Variants in CCM2L observed in about 807,000 individuals in gnomAD.
The protein encoded by CCM2L is CCM2 like scaffold protein.
CCM2L carries 36 observed loss-of-function variants against 54.1 expected under a neutral mutation model. That is an observed-to-expected ratio of 0.67 (90% confidence interval 0.51 to 0.88). The LOEUF (loss-of-function observed/expected upper bound fraction) is 0.88. Among genes scored for constraint, CCM2L ranks in the 40% least tolerant of loss-of-function variants. The pLI is 0.00. For missense variants in CCM2L, 700 were observed against 812.1 expected (o/e 0.86, Z 1.68); for synonymous variants, 351 against 359.3 (o/e 0.98, Z 0.26).
intron 6 of CCM2L, among the ~76,000 whole-genome samples, chr20:32,025,597 G>A (rs1298060939): frequency 1.3e-5 from 2 of 152,010 alleles, no homozygotes; most frequent in Non-Finnish European, 2.9e-5. Context: ...GAAACACACA[G>A]TTTACAAAAT....
At chr20:32,011,108 A>C (rs1600669398) in intron 1 of CCM2L, among the ~76,000 whole-genome samples, 99 of 138,222 alleles carry the variant, frequency 7.2e-4, no homozygotes, top group Admixed American at 1.4e-3. Flanking sequence ...CCCCATTTCC[A>C]CCCTCCCCTC....
At chr20:32,018,237 A>AGGGGGGGGGGGGGGG in intron 4 of CCM2L, 75 bp downstream of exon 4, 1 of 8,156 alleles carries the variant, frequency 1.2e-4, no homozygotes. Context: ...GGGGCGGGGC[A>AGGGGGGGGGGGGGGG]GGGGCAGGGG....
intron 6 of CCM2L, among the ~76,000 whole-genome samples, chr20:32,023,523 C>T (rs1252687597): frequency 6.6e-6 from 1 of 152,168 alleles, no homozygotes; most frequent in Admixed American, 6.5e-5. Flanking sequence ...CTAATAGAGA[C>T]ATTTGTTGAG....
intron 1 of CCM2L, among the ~76,000 whole-genome samples, chr20:32,010,853 G>A (rs370268353): frequency 8.5e-5 from 13 of 152,080 alleles, no homozygotes; most frequent in African/African-American, 7.2e-5. Context: ...TCTCCTGCTC[G>A]TCACTGCCCC....
chr20:32,016,533 G>T (rs1380782625), intron 2 of CCM2L, among the ~76,000 whole-genome samples: 1 of 152,080 alleles, frequency 6.6e-6, no homozygotes, highest in Non-Finnish European at 1.5e-5. Context: ...GTGGGTGCCT[G>T]TAATCCCAGC....
chr20:32,027,385 G>A (rs1453300605), intron 7 of CCM2L, among the ~76,000 whole-genome samples: 1 of 152,210 alleles, frequency 6.6e-6, no homozygotes, highest in Non-Finnish European at 1.5e-5. Context: ...TTTGAACATT[G>A]AACTTGCTAT....
intron 8 of CCM2L, 34 bp from the exon 9 acceptor site, chr20:32,029,666 C>T (rs1568927883): frequency 6.4e-7 from 1 of 1,573,824 alleles, no homozygotes; most frequent in Non-Finnish European, 8.6e-7. Flanking sequence ...GCGCTGCTTC[C>T]TGGGATTGAT....
rs1447205593 is a variant in CCM2L, at chr20:32,014,904, G to A, written c.31G>A (p.Gly11Ser). 1 of 1,597,366 alleles carries A rather than the reference G, an allele frequency of 6.3e-7. No individual in the cohort carries two copies. The highest frequency in any genetic ancestry group is 2.4e-5 in the East Asian group (1 of 42,150). The change falls in exon 2 of 10, where the codon GGC (glycine) becomes AGC (serine). Residue 11 changes from glycine to serine, a missense_variant and splice_region_variant. By Grantham distance (56) the Gly-to-Ser change is moderately conservative (BLOSUM62 0). Coordinates refer to ENST00000452892, the MANE Select transcript of CCM2L (RefSeq NM_001365692.1). MEYEVKKGKK[G>S]FVSPIRRLVF... ...CTCTCATTCCTCCTCTCCTCCCCAGGGCTTTGTATCCCCCATCCGAAGGCT... is the reference window on the plus strand; with the variant it reads ...CTCTCATTCCTCCTCTCCTCCCCAGAGCTTTGTATCCCCCATCCGAAGGCT...
intron 9 of CCM2L, among the ~76,000 whole-genome samples, chr20:32,030,672 T>TA (rs1000989558): frequency 9.9e-5 from 15 of 151,814 alleles, no homozygotes; most frequent in African/African-American, 3.6e-4. Flanking sequence ...CTGTCTCTAC[T>TA]AAAAATACAA....
intron 7 of CCM2L, among the ~76,000 whole-genome samples, chr20:32,027,097 G>A (rs1253901858): frequency 3.9e-5 from 6 of 152,178 alleles, no homozygotes; most frequent in Non-Finnish European, 8.8e-5. Context: ...GTTCTGTTTA[G>A]GGTGACCAGC....
At chr20:32,028,679 C>T (rs753024234) in intron 7 of CCM2L, 8 of 338,716 alleles carry the variant, frequency 2.4e-5, no homozygotes, top group East Asian at 6.4e-5. Flanking sequence ...TTTAAGATCA[C>T]GGGATGAGTA....
intron 7 of CCM2L, among the ~76,000 whole-genome samples, chr20:32,026,871 A>G (rs1280638686): frequency 6.7e-6 from 1 of 148,538 alleles, no homozygotes; most frequent in Non-Finnish European, 1.5e-5. Flanking sequence ...GCGAGACTCT[A>G]TCTCAAAAAA....
At position 32,025,973 on chromosome 20, in the gene CCM2L, CAG is replaced by C. The variant is rs1260670295; in HGVS notation, c.1133+55_1133+56del. The C allele has an allele frequency of 2.4e-6, 3 of 1,253,378 alleles. No homozygotes were observed. In the Admixed American group the frequency reaches 6.9e-5, roughly 29 times the overall value. 77.6% of individuals were successfully genotyped at this position (1,253,378 alleles called of 1,614,324 possible). A position where few individuals can be genotyped will look rare whatever the true frequency, so the allele number is the denominator to read the frequency against. On this transcript the variant is annotated intron_variant, in intron 7 of 9. Transcript: ENST00000452892. ...CCCTGCTCCCCTACCCCTGCACAAA[CAG>C]GGTGACTAGAGAGGGTAGGAGAAGG...
At chr20:32,026,568 A>T (rs1331970089) in intron 7 of CCM2L, among the ~76,000 whole-genome samples, 1 of 152,160 alleles carries the variant, frequency 6.6e-6, no homozygotes, top group African/African-American at 2.4e-5. Flanking sequence ...AAGCTGGAAA[A>T]TTTAGGATTA....
At position 32,031,162 on chromosome 20, in the gene CCM2L, G is replaced by C; in HGVS notation, c.1564G>C (p.Ala522Pro). The change falls in exon 10 of 10, where the codon GCG becomes CCG. Residue 522 changes from alanine (A) to proline (P), a missense_variant. Coordinates refer to ENST00000452892, the MANE Select transcript of CCM2L (RefSeq NM_001365692.1). Reference protein sequence around the residue: ...ASAVRSYDGAAQRPEAQAFHR... With the variant: ...ASAVRSYDGAPQRPEAQAFHR... ...CGCAGTGCGCAGCTACGATGGCGCG[G>C]CGCAGCGGCCCGAGGCACAGGCCTT... is the stretch of plus-strand genomic sequence containing the variant. The C allele has an allele frequency of 1.5e-6, 2 of 1,302,672 alleles. No homozygotes were observed. The highest frequency in any genetic ancestry group is 1.2e-5 in the South Asian group (1 of 80,964). 80.7% of individuals were successfully genotyped at this position (1,302,672 alleles called of 1,614,324 possible).
rs1171220094 is a variant in CCM2L, at chr20:32,014,408, G to A, written c.31-496G>A. Among the ~76,000 whole-genome samples the A allele has an allele frequency of 2.6e-5, 4 of 151,820 alleles. No homozygotes were observed. In the East Asian group the frequency reaches 7.7e-4, roughly 29 times the overall value. ...AGCCTCCCGAGTAGCTGGGATTACA[G>A]GCTCCTGGCACAACGCCTGACAAAT... is the stretch of plus-strand genomic sequence containing the variant. On this transcript the variant is annotated intron_variant, in intron 1 of 9. Transcript: ENST00000452892.
At chr20:32,023,158 G>A (rs2064822835) in intron 6 of CCM2L, among the ~76,000 whole-genome samples, 1 of 151,764 alleles carries the variant, frequency 6.6e-6, no homozygotes, top group Non-Finnish European at 1.5e-5. Flanking sequence ...TTTTATTAGA[G>A]ACGGGGTTTC....
chr20:32,018,915 C>T, intron 4 of CCM2L, 28 bp from the exon 5 acceptor site: 1 of 1,279,324 alleles, frequency 7.8e-7, no homozygotes, highest in Non-Finnish European at 9.9e-7. Context: ...CCGATCCCCG[C>T]GGCTGACGGT....
intron 1 of CCM2L, among the ~76,000 whole-genome samples, chr20:32,013,990 A>G (rs1379038897): frequency 6.6e-6 from 1 of 152,136 alleles, no homozygotes; most frequent in Admixed American, 6.5e-5. Context: ...TTCTAGATGG[A>G]ACTCAAACTT....
Sources: gnomAD v4.1 joint callset for allele counts (sites outside exome capture counted in the v4.1 genomes callset) on GRCh38, gnomAD v4.1.1 for gene constraint, MANE v1.5 for transcripts, NCBI Gene and HGNC (gene_info 2026-07-23, HGNC 2026-07-21) for gene names.